Variants in XRCC4 observed in about 807,000 individuals in gnomAD.
XRCC4 encodes DNA repair protein XRCC4.
Under a neutral mutation model 39.1 loss-of-function variants are expected in XRCC4, and 28 were observed. That is an observed-to-expected ratio of 0.72 (90% CI 0.53 to 0.98). XRCC4 has a LOEUF of 0.98. Ranked by LOEUF, XRCC4 falls within the 50% of genes least tolerant of loss-of-function variation. The pLI is 0.00. For missense variants in XRCC4, 350 were observed against 376.4 expected, an observed-to-expected ratio of 0.93 and a Z score of 0.58; for synonymous variants, 123 against 126.4, an observed-to-expected ratio of 0.97 and a Z score of 0.18.
chr5:83,223,258 G>T (rs1752156206), intron 6 of XRCC4, among the ~76,000 whole-genome samples: 1 of 151,968 alleles, frequency 6.6e-6, no homozygotes, highest in South Asian at 2.1e-4. Context: ...TGAATGTGGG[G>T]TTTTGAAGTT....
intron 7 of XRCC4, among the ~76,000 whole-genome samples, chr5:83,297,893 A>C (rs1755148862): frequency 6.6e-6 from 1 of 151,998 alleles, no homozygotes; most frequent in South Asian, 2.1e-4. Context: ...TGCCAAAAAC[A>C]GCAGATTAAC....
At chr5:83,275,730 T>G (rs2112939833) in intron 7 of XRCC4, among the ~76,000 whole-genome samples, 1 of 152,308 alleles carries the variant, frequency 6.6e-6, no homozygotes, top group East Asian at 1.9e-4. Flanking sequence ...ATGACCATGA[T>G]CTTAAAGTGA....
chr5:83,332,931 A>C (rs895274425), intron 7 of XRCC4, among the ~76,000 whole-genome samples: 4 of 152,188 alleles, frequency 2.6e-5, no homozygotes, highest in African/African-American at 9.7e-5. Flanking sequence ...AATCAGTACG[A>C]TATCTAAGGG....
At chr5:83,203,060 C>T (rs964252718) in intron 4 of XRCC4, among the ~76,000 whole-genome samples, 3 of 151,730 alleles carry the variant, frequency 2.0e-5, no homozygotes, top group African/African-American at 4.8e-5. Context: ...GTGTGGTGCT[C>T]GCTTATAAGA....
intron 3 of XRCC4, among the ~76,000 whole-genome samples, chr5:83,132,370 G>C (rs1279996260): frequency 6.6e-6 from 1 of 151,920 alleles, no homozygotes; most frequent in East Asian, 1.9e-4. Flanking sequence ...TGGTGTTGCT[G>C]TTCTCGAGGA....
At chr5:83,097,158 C>T (rs1229675564) in intron 1 of XRCC4, among the ~76,000 whole-genome samples, 1 of 152,024 alleles carries the variant, frequency 6.6e-6, no homozygotes, top group Non-Finnish European at 1.5e-5. Flanking sequence ...GAAATTGAAG[C>T]GTGGGAAATA....
At chr5:83,168,269 C>G (rs976609380) in intron 3 of XRCC4, among the ~76,000 whole-genome samples, 9 of 151,700 alleles carry the variant, frequency 5.9e-5, no homozygotes, top group Non-Finnish European at 1.2e-4. Flanking sequence ...ACCAATAATA[C>G]ACTTGAAGGA....
rs555966146 is a variant in XRCC4 at position 83,233,799 on chromosome 5, G to C, written c.746-24731G>C. On this transcript the variant is annotated intron_variant, in intron 6 of 7. Coordinates refer to ENST00000396027, the MANE Select transcript of XRCC4 (RefSeq NM_003401.5). ...CACCTGTAGTCCTAGCTACTCAGGA[G>C]GCTGAGGCAGAAGAATCGCTTGAAC... Among the ~76,000 whole-genome samples the C allele has an allele frequency of 1.3e-4, 19 of 151,284 alleles. 1 individual carries two copies. In the South Asian group the frequency reaches 4.0e-3, roughly 32 times the overall value.
At chr5:83,238,627 C>T (rs180976607) in intron 6 of XRCC4, among the ~76,000 whole-genome samples, 9 of 152,080 alleles carry the variant, frequency 5.9e-5, no homozygotes, top group Admixed American at 4.6e-4. Context: ...TACTAAGACA[C>T]ACAAAGTAAT....
chr5:83,086,848 C>G (rs1310747973), intron 1 of XRCC4, among the ~76,000 whole-genome samples: 1 of 151,880 alleles, frequency 6.6e-6, no homozygotes, highest in East Asian at 1.9e-4. Flanking sequence ...TGTCCTGAGT[C>G]AAAGAAATCC....
At chr5:83,169,354 G>T (rs1248682567) in intron 3 of XRCC4, among the ~76,000 whole-genome samples, 1 of 151,952 alleles carries the variant, frequency 6.6e-6, no homozygotes, top group Non-Finnish European at 1.5e-5. Context: ...TTTCAGATTT[G>T]ATTTTTCTCT....
At chr5:83,157,775 TAAG>T (rs1404341141) in intron 3 of XRCC4, among the ~76,000 whole-genome samples, 1 of 152,002 alleles carries the variant, frequency 6.6e-6, no homozygotes, top group Non-Finnish European at 1.5e-5. Flanking sequence ...AGAGGAAAGT[TAAG>T]AAAATTTGAT....
intron 3 of XRCC4, among the ~76,000 whole-genome samples, chr5:83,179,005 A>C (rs1325771447): frequency 1.3e-5 from 2 of 152,170 alleles, no homozygotes; most frequent in East Asian, 3.9e-4. Context: ...TTCAAGTCTC[A>C]GGTTGATACC....
At chr5:83,336,796 A>G (rs1161416312) in intron 7 of XRCC4, among the ~76,000 whole-genome samples, 1 of 152,174 alleles carries the variant, frequency 6.6e-6, no homozygotes, top group Non-Finnish European at 1.5e-5. Context: ...CCATTCATTT[A>G]ACCACAACTT....
intron 3 of XRCC4, among the ~76,000 whole-genome samples, chr5:83,191,764 G>A (rs1247193782): frequency 2.6e-5 from 4 of 152,316 alleles, no homozygotes; most frequent in Middle Eastern, 3.4e-3. Flanking sequence ...TGTCATCCGT[G>A]TAAGATGTGA....
At chr5:83,338,186 G>C (rs1006612175) in intron 7 of XRCC4, among the ~76,000 whole-genome samples, 1 of 152,170 alleles carries the variant, frequency 6.6e-6, no homozygotes, top group Non-Finnish European at 1.5e-5. Context: ...GGAAATTTCA[G>C]CTGTAGCCTT....
intron 6 of XRCC4, among the ~76,000 whole-genome samples, chr5:83,225,605 GAAAAAAAAAA>G (rs869143323): frequency 1.7e-5 from 1 of 60,364 alleles, no homozygotes; most frequent in African/African-American, 4.8e-5. Context: ...ATTTATTCCA[GAAAAAAAAAA>G]AAAAAAAAAA....
At chr5:83,275,881 T>C (rs556252985) in intron 7 of XRCC4, among the ~76,000 whole-genome samples, 4 of 152,358 alleles carry the variant, frequency 2.6e-5, no homozygotes, top group African/African-American at 9.6e-5. Flanking sequence ...TTTAATGGAT[T>C]GTAGCATTTG....
At chr5:83,233,901 T>TG (rs1752590121) in intron 6 of XRCC4, among the ~76,000 whole-genome samples, 3 of 83,368 alleles carry the variant, frequency 3.6e-5, no homozygotes, top group Non-Finnish European at 6.3e-5. Context: ...AGACTTCATC[T>TG]CAAAAAAAAA....
Sources: allele counts gnomAD v4.1 joint callset (sites outside exome capture counted in the v4.1 genomes callset), GRCh38; gene constraint gnomAD v4.1.1; transcripts MANE v1.5; gene names NCBI Gene and HGNC (gene_info 2026-07-23, HGNC 2026-07-21).